The following TMEM132B variants were observed in gnomAD, a reference collection of about 807,000 sequenced individuals.
The protein encoded by TMEM132B is transmembrane protein 132B.
Under a neutral mutation model 90.8 loss-of-function variants are expected in TMEM132B, and 18 were observed. The ratio of observed to expected loss-of-function variants is 0.20; its 90% CI spans 0.14 to 0.29. The LOEUF (loss-of-function observed/expected upper bound fraction) is 0.29. Among genes scored for constraint, TMEM132B ranks in the 10% least tolerant of loss-of-function variants. The pLI, the probability that TMEM132B is intolerant of heterozygous loss-of-function variation, is 1.00. For missense variants in TMEM132B, 1,096 were observed against 1,326.8 expected, an observed-to-expected ratio of 0.83 and a Z score of 2.70; for synonymous variants, 504 against 523.3, an observed-to-expected ratio of 0.96 and a Z score of 0.50.
intron 3 of TMEM132B, among the ~76,000 whole-genome samples, chr12:125,453,491 A>G (rs1181446160): frequency 6.6e-6 from 1 of 152,234 alleles, no homozygotes; most frequent in Non-Finnish European, 1.5e-5. Context: ...TCATACATTT[A>G]TAATATTATC....
chr12:125,206,506 G>T (rs1039415392), intron 1 of TMEM132B, among the ~76,000 whole-genome samples: 1 of 152,080 alleles, frequency 6.6e-6, no homozygotes. Context: ...CCAAAGTGTC[G>T]GGATTACAGG....
chr12:125,658,574 T>C lies in TMEM132B; in HGVS notation c.*3864T>C, dbSNP rs904250326. The C allele has an allele frequency of 4.6e-5, 7 of 152,252 alleles. No individual in the cohort carries two copies. Among genetic ancestry groups the C allele is most frequent in the Admixed American group, 4.6e-4 (7 of 15,286 alleles). 9.4% of individuals were successfully genotyped at this position (152,252 alleles called of 1,614,324 possible). ...CAGCCCTCACCTTTTATTAAAATTA[T>C]ATATGTGTGATGTAATGCATATCAC... On this transcript the variant is annotated 3_prime_UTR_variant, in exon 9 of 9. Coordinates refer to ENST00000682704, the MANE Select transcript of TMEM132B (RefSeq NM_001366854.1).
intron 5 of TMEM132B, among the ~76,000 whole-genome samples, chr12:125,601,696 T>C (rs1885575102): frequency 6.6e-6 from 1 of 151,348 alleles, no homozygotes; most frequent in Non-Finnish European, 1.5e-5. Context: ...TTGAAAAAAT[T>C]AAATTAGATA....
At chr12:125,387,633 C>A (rs1878879657) in intron 2 of TMEM132B, among the ~76,000 whole-genome samples, 1 of 152,174 alleles carries the variant, frequency 6.6e-6, no homozygotes, top group African/African-American at 2.4e-5. Context: ...TTGTAAATAC[C>A]ACCTACCTTG....
intron 2 of TMEM132B, among the ~76,000 whole-genome samples, chr12:125,395,717 G>A (rs757301227): frequency 2.6e-5 from 4 of 152,216 alleles, no homozygotes; most frequent in Admixed American, 1.3e-4. Context: ...TGGCTTAAGG[G>A]TAATTTCCTG....
intron 4 of TMEM132B, 23 bp from the exon 5 acceptor site, chr12:125,583,828 G>A: frequency 6.2e-7 from 1 of 1,613,142 alleles, no homozygotes; most frequent in Non-Finnish European, 8.5e-7. Flanking sequence ...TTGCTGATCT[G>A]AGCCCTCTCC....
rs538319732 is a variant in TMEM132B at position 125,337,641 on chromosome 12, C to T, written c.68-11811C>T. ...GATTTTCCTCTCCTTGACAGGTGGC[C>T]ATCTCACCCACAGGCCCAATAATGT... is the stretch of plus-strand genomic sequence containing the variant. On this transcript the variant is annotated intron_variant, in intron 1 of 8. Transcript: ENST00000682704. 2.0e-5 allele frequency among the ~76,000 whole-genome samples: 3 copies of T among 152,252 alleles called. No homozygotes were observed. The East Asian group carries it at 5.8e-4, about 29-fold the overall frequency.
intron 1 of TMEM132B, among the ~76,000 whole-genome samples, chr12:125,347,861 A>C (rs1053935717): frequency 6.6e-6 from 1 of 152,244 alleles, no homozygotes; most frequent in African/African-American, 2.4e-5. Context: ...GCTAAGAAAC[A>C]CACATACATG....
chr12:125,249,483 C>A (rs1231489444), intron 1 of TMEM132B, among the ~76,000 whole-genome samples: 1 of 152,152 alleles, frequency 6.6e-6, no homozygotes, highest in African/African-American at 2.4e-5. Context: ...GATTAGTTTG[C>A]GGTGGGACAT....
intron 6 of TMEM132B, among the ~76,000 whole-genome samples, chr12:125,645,435 G>A (rs1321977519): frequency 6.6e-6 from 1 of 152,190 alleles, no homozygotes; most frequent in African/African-American, 2.4e-5. Flanking sequence ...AGAAGGGGAA[G>A]TTGGGAAGAT....
At chr12:125,447,140 TG>T (rs1326913970) in intron 3 of TMEM132B, among the ~76,000 whole-genome samples, 3 of 152,228 alleles carry the variant, frequency 2.0e-5, no homozygotes, top group Admixed American at 1.3e-4. Context: ...ATTATATTTT[TG>T]CCAGTCTGTC....
intron 5 of TMEM132B, among the ~76,000 whole-genome samples, chr12:125,615,918 A>T (rs1006183538): frequency 2.0e-5 from 3 of 152,210 alleles, no homozygotes; most frequent in African/African-American, 7.2e-5. Context: ...CACATAAAGA[A>T]TTCAAAGAAA....
intron 3 of TMEM132B, among the ~76,000 whole-genome samples, chr12:125,420,130 T>C (rs1230368899): frequency 1.3e-5 from 2 of 152,206 alleles, no homozygotes; most frequent in East Asian, 1.9e-4. Flanking sequence ...TCAGTGGATC[T>C]AACATTCTGG....
chr12:125,477,008 T>C (rs959004378), intron 3 of TMEM132B, among the ~76,000 whole-genome samples: 3 of 152,196 alleles, frequency 2.0e-5, no homozygotes, highest in Admixed American at 6.5e-5. Context: ...CAGCCAACTG[T>C]AATATATGGA....
At chr12:125,551,782 T>G (rs552940819) in intron 4 of TMEM132B, among the ~76,000 whole-genome samples, 13 of 152,272 alleles carry the variant, frequency 8.5e-5, no homozygotes, top group African/African-American at 3.1e-4. Flanking sequence ...GGAGGGTTCA[T>G]CTGGGGTGGC....
chr12:125,219,753 A>C (rs1873517491), intron 1 of TMEM132B, among the ~76,000 whole-genome samples: 1 of 152,202 alleles, frequency 6.6e-6, no homozygotes, highest in African/African-American at 2.4e-5. Flanking sequence ...CCTGGTTTAC[A>C]CCTGGCATAA....
chr12:125,553,608 C>G (rs1325485418), intron 4 of TMEM132B, among the ~76,000 whole-genome samples: 2 of 152,170 alleles, frequency 1.3e-5, no homozygotes, highest in Non-Finnish European at 2.9e-5. Flanking sequence ...GTAGTGAAGA[C>G]TCATCCCAGA....
Position 125,350,011 on chromosome 12 carries a change from G to C in TMEM132B, c.627G>C (p.Glu209Asp). ...CAGGCCTGGACCTGGAACCAGAGGAGGAGATCCCAGCCCTGCTCGGGGGCA... is the reference window on the plus strand; with the variant it reads ...CAGGCCTGGACCTGGAACCAGAGGACGAGATCCCAGCCCTGCTCGGGGGCA... ...FSSGLDLEPE[E>D]EIPALLGGTT... is the part of the protein sequence containing the mutation. The change falls in exon 2 of 9, where the codon GAG (glutamate) becomes GAC (aspartate). Residue 209 changes from glutamate to aspartate, a missense_variant. Coordinates refer to ENST00000682704, the MANE Select transcript of TMEM132B (RefSeq NM_001366854.1). 6.2e-7 allele frequency: 1 copy of C among 1,614,238 alleles called. No individual in the cohort carries two copies. Among genetic ancestry groups the C allele is most frequent in the Non-Finnish European group, 8.5e-7 (1 of 1,180,044 alleles).
At chr12:125,218,358 G>T (rs116361249) in intron 1 of TMEM132B, among the ~76,000 whole-genome samples, 2,952 of 152,136 alleles carry the variant, frequency 0.019, 102 homozygotes, top group African/African-American at 0.066. Flanking sequence ...TGAGAAAAAA[G>T]GGCCTATTTT....
Sources: allele counts gnomAD v4.1 joint callset (sites outside exome capture counted in the v4.1 genomes callset), GRCh38; gene constraint gnomAD v4.1.1; transcripts MANE v1.5; gene names NCBI Gene and HGNC (gene_info 2026-07-23, HGNC 2026-07-21).